Variants in ZNF571 observed in about 807,000 individuals in gnomAD.
The protein encoded by ZNF571 is zinc finger protein 571.
In ZNF571, 4 loss-of-function variants were observed where a neutral mutation model predicts 7.7. That is an observed-to-expected ratio of 0.52 (90% confidence interval 0.25 to 1.18). The LOEUF is 1.18. Among genes scored for constraint, ZNF571 ranks in the 50% most tolerant of loss-of-function variants. The pLI, the probability that ZNF571 is intolerant of heterozygous loss-of-function variation, is 0.14. For missense variants in ZNF571, 704 were observed against 726.9 expected, an observed-to-expected ratio of 0.97 and a Z score of 0.36; for synonymous variants, 251 against 232.4, an observed-to-expected ratio of 1.08 and a Z score of -0.73.
intron 3 of ZNF571, 75 bp from the exon 4 acceptor site, chr19:37,566,366 G>T: frequency 6.8e-7 from 1 of 1,473,430 alleles, no homozygotes; most frequent in Non-Finnish European, 9.1e-7. Flanking sequence ...AAAAATGATA[G>T]ATGAAAATAA....
At chr19:37,566,349 C>G in intron 3 of ZNF571, 58 bp from the exon 4 acceptor site, 1 of 1,520,620 alleles carries the variant, frequency 6.6e-7, no homozygotes, top group Non-Finnish European at 8.8e-7. Context: ...AATAAAAATT[C>G]TATGGTAAAA....
At chr19:37,584,625 A>AT (rs2043596356) in intron 2 of ZNF571, among the ~76,000 whole-genome samples, 1 of 152,158 alleles carries the variant, frequency 6.6e-6, no homozygotes, top group African/African-American at 2.4e-5. Context: ...ACATATTTCC[A>AT]TTTTACATAC....
rs1344039748 is a variant in ZNF571, at chr19:37,566,026, G to A, written c.402C>T (p.Thr134=). 6.2e-6 allele frequency: 10 copies of A among 1,613,824 alleles called. No homozygotes were observed. Among genetic ancestry groups the A allele is most frequent in the Non-Finnish European group, 8.5e-6 (10 of 1,179,934 alleles). ...TSSTFHRIIP[T]KEKLYKCKEC... is the part of the protein sequence containing the mutation. Reference sequence around the variant, plus strand: ...CCTTACATTTGTACAATTTTTCCTTGGTAGGAATTATCCGATGAAAAGTAG... The same window carrying A: ...CCTTACATTTGTACAATTTTTCCTTAGTAGGAATTATCCGATGAAAAGTAG... Residue 134 remains threonine, a synonymous_variant, in exon 4 of 4, where the codon ACC becomes ACT. Transcript: ENST00000451802.
In ZNF571 at chr19:37,565,666, C is replaced by G. The variant is rs763418357; in HGVS notation, c.762G>C (p.Lys254Asn). ...AATAACTAAAGGCTTTTCCACATTT[C>G]TTACATTCATATGGTTTCTCTCCTG... ...VHTGEKPYEC[K>N]KCGKAFSYCS... The change falls in exon 4 of 4, where the codon AAG becomes AAC. Residue 254 changes from lysine (K) to asparagine (N), a missense_variant. By Grantham distance (94) the Lys-to-Asn change is moderately conservative. Coordinates refer to ENST00000451802, the MANE Select transcript of ZNF571 (RefSeq NM_016536.5). 1.9e-6 allele frequency: 3 copies of G among 1,613,204 alleles called. No homozygotes were observed. The highest frequency in any genetic ancestry group is 1.7e-5 in the Admixed American group (1 of 59,902).
chr19:37,583,887 T>G (rs1025637456), intron 3 of ZNF571, 84 bp downstream of exon 3: 2 of 1,419,292 alleles, frequency 1.4e-6, no homozygotes, highest in African/African-American at 1.4e-5. Context: ...AGCCTTTCCT[T>G]AGGGAATGGA....
chr19:37,581,963 T>C (rs2043484877), intron 3 of ZNF571, among the ~76,000 whole-genome samples: 1 of 152,142 alleles, frequency 6.6e-6, no homozygotes, highest in Non-Finnish European at 1.5e-5. Flanking sequence ...TTTTGCCATA[T>C]TTCCTTCCTA....
At chr19:37,578,923 T>C (rs887918706) in intron 3 of ZNF571, among the ~76,000 whole-genome samples, 9 of 152,094 alleles carry the variant, frequency 5.9e-5, no homozygotes, top group African/African-American at 2.2e-4. Context: ...CCCTAAACAG[T>C]GAAGTTCGGC....
At chr19:37,566,451 G>C (rs1339541167) in intron 3 of ZNF571, 160 bp from the exon 4 acceptor site, 1 of 776,338 alleles carries the variant, frequency 1.3e-6, no homozygotes, top group Non-Finnish European at 1.9e-6. Flanking sequence ...CACAAGGAGA[G>C]AATAAAGAAA....
chr19:37,565,366 C>G lies in ZNF571; in HGVS notation c.1062G>C (p.Gln354His). 1 of 1,613,784 alleles carries G rather than the reference C, an allele frequency of 6.2e-7. No individual in the cohort carries two copies. Among genetic ancestry groups the G allele is most frequent in the Non-Finnish European group, 8.5e-7 (1 of 1,179,868 alleles). Residue 354 changes from glutamine (Q) to histidine (H), a missense_variant, in exon 4 of 4, where the codon CAG becomes CAC. Transcript: ENST00000451802. ...FLCASQLNEH[Q>H]RIHTGEKPYE... ...AGGGTTTCTCTCCTGTATGAATTCT[C>G]TGATGTTCATTCAGTTGGGAGGCAC...
rs116053580 is a variant in ZNF571 at position 37,564,648 on chromosome 19, C to T, written c.1780G>A (p.Asp594Asn). 2.4e-4 allele frequency: 387 copies of T among 1,594,560 alleles called. 1 individual carries two copies. In the African/African-American group the frequency reaches 4.4e-3, roughly 18 times the overall value. ...KPYTCVQCGK[D>N]FRCPSQLTQH... Reference sequence around the variant, plus strand: ...GTAAGTTGTGAAGGACATCTAAAGTCTTTACCACACTGGACACATGTATAG... The same window carrying T: ...GTAAGTTGTGAAGGACATCTAAAGTTTTTACCACACTGGACACATGTATAG... Residue 594 changes from aspartate to asparagine, a missense_variant, in exon 4 of 4, where the codon GAC becomes AAC. Transcript: ENST00000451802.
intron 3 of ZNF571, among the ~76,000 whole-genome samples, chr19:37,582,786 A>G (rs1309369656): frequency 6.6e-6 from 1 of 152,130 alleles, no homozygotes; most frequent in Non-Finnish European, 1.5e-5. Context: ...TCACCTCCAC[A>G]TATTAAACCC....
At chr19:37,574,574 T>A (rs1348633667) in intron 3 of ZNF571, among the ~76,000 whole-genome samples, 1 of 152,206 alleles carries the variant, frequency 6.6e-6, no homozygotes, top group Non-Finnish European at 1.5e-5. Flanking sequence ...TAAATTTGAA[T>A]CCTCATACAT....
rs139704284 is a variant in ZNF571, at chr19:37,564,779, C to T, written c.1649G>A (p.Arg550Lys). The stretch of plus-strand genomic sequence containing the variant: ...ATAGGGTTTCTCTCCAGTATGAGTT[C>T]TCAGATGTTCAGTAAGGTGTGAGCC... Reference protein sequence around the residue: ...IRGSHLTEHLRTHTGEKPYEC... With the variant: ...IRGSHLTEHLKTHTGEKPYEC... Residue 550 changes from arginine (R) to lysine (K), a missense_variant, in exon 4 of 4, where the codon AGA becomes AAA. Physicochemically the swap from Arg to Lys is conservative, Grantham distance 26 (BLOSUM62 2). Transcript: ENST00000451802. 313 of 1,613,826 alleles carry T rather than the reference C, an allele frequency of 1.9e-4. No homozygotes were observed. The highest frequency in any genetic ancestry group is 1.7e-4 in the Admixed American group (10 of 59,976).
chr19:37,586,759 AG>A lies in ZNF571; in HGVS notation c.-69-15del. The A allele has an allele frequency of 7.5e-6, 11 of 1,473,922 alleles. No homozygotes were observed. The highest frequency in any genetic ancestry group is 3.5e-5 in the South Asian group (3 of 84,736). The allele number at this position is 1,473,922 out of a possible 1,614,324, so 91.3% of individuals were successfully genotyped here. On this transcript the variant is annotated splice_polypyrimidine_tract_variant and intron_variant, in intron 1 of 3. Coordinates refer to ENST00000451802, the MANE Select transcript of ZNF571 (RefSeq NM_016536.5). ...GAGAAGCCAGTGCTGGACAAGGAAAAGAAGCCACAAGATTAGACTTGGCTCA... is the reference window on the plus strand; with the variant it reads ...GAGAAGCCAGTGCTGGACAAGGAAAAAAGCCACAAGATTAGACTTGGCTCA...
In ZNF571 at chr19:37,564,851, C is replaced by T. The variant is rs1209708839; in HGVS notation, c.1577G>A (p.Gly526Asp). 1.9e-6 allele frequency: 3 copies of T among 1,614,044 alleles called. No individual in the cohort carries two copies. The highest frequency in any genetic ancestry group is 2.2e-5 in the South Asian group (2 of 91,080). ...QLSEHQRIHR[G>D]EKPYECKQCG... ...CTGTTTACATTCATAAGGTTTTTCA[C>T]CTCTGTGAATTCTCTGATGTTCACT... is the stretch of plus-strand genomic sequence containing the variant. Residue 526 changes from glycine (G) to aspartate (D), a missense_variant, in exon 4 of 4, where the codon GGT (glycine) becomes GAT (aspartate). Physicochemically the swap from Gly to Asp is moderately conservative, Grantham distance 94 (BLOSUM62 -1). Transcript: ENST00000451802.
At chr19:37,593,080 T>A (rs2043913103) in intron 1 of ZNF571, among the ~76,000 whole-genome samples, 1 of 152,120 alleles carries the variant, frequency 6.6e-6, no homozygotes, top group South Asian at 2.1e-4. Flanking sequence ...ACCACGCTGT[T>A]ACACCAACAT....
chr19:37,589,601 A>C (rs2043803575), intron 1 of ZNF571, among the ~76,000 whole-genome samples: 1 of 152,132 alleles, frequency 6.6e-6, no homozygotes, highest in African/African-American at 2.4e-5. Context: ...TTAAGATCCT[A>C]CTGGACTAAG....
intron 1 of ZNF571, 122 bp from the exon 2 acceptor site, chr19:37,586,867 A>G: frequency 4.8e-6 from 3 of 626,740 alleles, no homozygotes; most frequent in Non-Finnish European, 8.4e-6. Flanking sequence ...TCTTCCACAA[A>G]CCCAATGGAA....
rs73033120 is a variant in ZNF571, at chr19:37,583,124, C to T, written c.136+847G>A. ...TCAGTTTCTCTCAGGATCTTCTCTT[C>T]CCTCTGCCTGAACACACCTTTCCCT... is the stretch of plus-strand genomic sequence containing the variant. On this transcript the variant is annotated intron_variant, in intron 3 of 3. Transcript: ENST00000451802. 5.8e-3 allele frequency among the ~76,000 whole-genome samples: 877 copies of T among 152,300 alleles called. 8 individuals are homozygous for T. Among genetic ancestry groups the T allele is most frequent in the Non-Finnish European group, 0.01 (683 of 68,022 alleles).
Sources: gnomAD v4.1 joint callset for allele counts (sites outside exome capture counted in the v4.1 genomes callset) on GRCh38, gnomAD v4.1.1 for gene constraint, MANE v1.5 for transcripts, NCBI Gene and HGNC (gene_info 2026-07-23, HGNC 2026-07-21) for gene names.